PHLPP1: variants seen among roughly 807,000 people sequenced by gnomAD.
The protein encoded by PHLPP1 is PH domain leucine-rich repeat-containing protein phosphatase 1.
PHLPP1 carries 42 observed loss-of-function variants against 117.2 expected under a neutral mutation model. The observed-to-expected ratio is 0.36, with a 90% CI of 0.28 to 0.46. The LOEUF (loss-of-function observed/expected upper bound fraction) is 0.46. Among genes scored for constraint, PHLPP1 ranks in the 20% least tolerant of loss-of-function variants. The probability of loss-of-function intolerance (pLI) is 1.00; values close to 1 mark genes in which losing one functional copy is unlikely to be tolerated. For synonymous variants in PHLPP1, 1,042 were observed against 970.7 expected (o/e 1.07, Z -1.37); for missense variants, 2,084 against 2,241.9 (o/e 0.93, Z 1.42).
intron 1 of PHLPP1, among the ~76,000 whole-genome samples, chr18:62,751,229 A>G (rs1040943759): frequency 1.3e-5 from 2 of 152,216 alleles, no homozygotes; most frequent in Non-Finnish European, 2.9e-5. Flanking sequence ...TATAATTATT[A>G]TTTTCAAAAA....
rs1353259168 is a variant in PHLPP1 at position 62,979,215 on chromosome 18, A to G, written c.4938A>G (p.Arg1646=). 1.2e-6 allele frequency: 2 copies of G among 1,610,528 alleles called. No individual in the cohort carries two copies. The highest frequency in any genetic ancestry group is 2.2e-5 in the East Asian group (1 of 44,790). The change falls in exon 17 of 17, where the codon CGA becomes CGG. Residue 1646 remains arginine (R), a synonymous_variant. Transcript: ENST00000262719. ...AGGTGGCTACAGACGCACCTCTTCG[A>G]AAGCCTGGAGGCTATTTTGCTGCCC... The part of the protein sequence containing the change: ...VIEVATDAPL[R]KPGGYFAAPA...
intron 4 of PHLPP1, among the ~76,000 whole-genome samples, chr18:62,877,987 A>G (rs1916090205): frequency 6.6e-6 from 1 of 152,180 alleles, no homozygotes; most frequent in Non-Finnish European, 1.5e-5. Flanking sequence ...TTCCCACTTA[A>G]ATAGAAGGGA....
chr18:62,978,309 C>T lies in PHLPP1; in HGVS notation c.4032C>T (p.Tyr1344=), dbSNP rs1911257819. Residue 1344 remains tyrosine (Y), a synonymous_variant, in exon 17 of 17, where the codon TAC becomes TAT. Transcript: ENST00000262719. The surrounding 1 kb of genome is among the most constrained non-coding windows in gnomAD (Gnocchi z 7.0). The part of the protein sequence containing the change: ...GVTESTRILG[Y]TFLHPSVVPR... ...CTGAGTCCACGCGCATCCTGGGCTACACCTTCCTCCATCCCAGTGTGGTGC... is the reference window on the plus strand; with the variant it reads ...CTGAGTCCACGCGCATCCTGGGCTATACCTTCCTCCATCCCAGTGTGGTGC... 2 of 1,612,970 alleles carry T rather than the reference C, an allele frequency of 1.2e-6. No homozygotes were observed. Among genetic ancestry groups the T allele is most frequent in the South Asian group, 1.1e-5 (1 of 90,892 alleles).
rs560532774 is a variant in PHLPP1 at position 62,972,619 on chromosome 18, G to A, written c.3666G>A (p.Gln1222=). ...DRNVEVPYLL[Q]CTMSDILAEE... is the part of the protein sequence containing the mutation. Reference sequence around the variant, plus strand: ...ATGTGGAGGTGCCCTACCTTCTCCAGTGCACTATGAGTGACATTTTGGCTG... The same window carrying A: ...ATGTGGAGGTGCCCTACCTTCTCCAATGCACTATGAGTGACATTTTGGCTG... The change falls in exon 15 of 17, where the codon CAG becomes CAA. Residue 1222 remains glutamine (Q), a synonymous_variant. Coordinates refer to ENST00000262719, the MANE Select transcript of PHLPP1 (RefSeq NM_194449.4). 73 of 1,613,962 alleles carry A rather than the reference G, an allele frequency of 4.5e-5. No homozygotes were observed. The South Asian group carries it at 5.3e-4, about 12-fold the overall frequency.
At chr18:62,842,653 C>G (rs1306729002) in intron 3 of PHLPP1, among the ~76,000 whole-genome samples, 2 of 152,128 alleles carry the variant, frequency 1.3e-5, no homozygotes. Context: ...CGTGAGCCAC[C>G]GTGCCTGGCC....
intron 1 of PHLPP1, among the ~76,000 whole-genome samples, chr18:62,818,416 A>G (rs950413144): frequency 3.9e-5 from 6 of 152,060 alleles, no homozygotes; most frequent in African/African-American, 1.2e-4. Context: ...AGTCCCAGCT[A>G]CTTGGGAGGC....
At chr18:62,898,056 T>TCCTCTTTCTCCTCTTTCTCC (rs1916614435) in intron 6 of PHLPP1, among the ~76,000 whole-genome samples, 1 of 83,500 alleles carries the variant, frequency 1.2e-5, no homozygotes, top group Admixed American at 1.4e-4. Context: ...TGGCTGTTAC[T>TCCTCTTTCTCCTCTTTCTCC]TCTTGGTCAG....
intron 10 of PHLPP1, among the ~76,000 whole-genome samples, chr18:62,932,087 G>A (rs1330979757): frequency 6.6e-6 from 1 of 151,956 alleles, no homozygotes; most frequent in Non-Finnish European, 1.5e-5. Context: ...TCAAAATCCT[G>A]AACAGGCCAA....
chr18:62,802,044 G>C (rs1913800389), intron 1 of PHLPP1, among the ~76,000 whole-genome samples: 1 of 151,624 alleles, frequency 6.6e-6, no homozygotes, highest in Non-Finnish European at 1.5e-5. Context: ...TCACTCCCCT[G>C]ACTACTTTCT....
intron 1 of PHLPP1, among the ~76,000 whole-genome samples, chr18:62,797,404 A>G (rs552527261): frequency 6.6e-6 from 1 of 152,326 alleles, no homozygotes; most frequent in African/African-American, 2.4e-5. Context: ...TAAAGCTTAT[A>G]TCCTAGTGGG....
chr18:62,956,066 T>A lies in PHLPP1; in HGVS notation c.3325-2563T>A, dbSNP rs188203622. 4.4e-4 allele frequency among the ~76,000 whole-genome samples: 67 copies of A among 152,340 alleles called. 1 individual carries two copies. Among genetic ancestry groups the A allele is most frequent in the Admixed American group, 1.0e-3 (16 of 15,306 alleles). On this transcript the variant is annotated intron_variant, in intron 12 of 16. Coordinates refer to ENST00000262719, the MANE Select transcript of PHLPP1 (RefSeq NM_194449.4). The stretch of plus-strand genomic sequence containing the variant: ...AAACAAAGCAAAAAAGAGATGACTG[T>A]TTTCTCCAATATTTAGGTTAAGTAA...
At chr18:62,802,006 G>GT in intron 1 of PHLPP1, among the ~76,000 whole-genome samples, 1 of 141,824 alleles carries the variant, frequency 7.1e-6, no homozygotes, top group South Asian at 2.1e-4. Flanking sequence ...TTTTTTAACC[G>GT]TTTTTTCCTT....
At chr18:62,801,908 G>A (rs145978063) in intron 1 of PHLPP1, among the ~76,000 whole-genome samples, 1 of 152,220 alleles carries the variant, frequency 6.6e-6, no homozygotes, top group African/African-American at 2.4e-5. Context: ...TGCATACACA[G>A]AGCATCACTC....
chr18:62,924,498 C>G (rs1442010612), intron 10 of PHLPP1, among the ~76,000 whole-genome samples: 1 of 151,806 alleles, frequency 6.6e-6, no homozygotes, highest in East Asian at 1.9e-4. Context: ...ATTTTGCCTG[C>G]TAAAGCCAGT....
Position 62,920,124 on chromosome 18 carries a change from T to C in PHLPP1, c.2960+10T>C. The C allele has an allele frequency of 6.2e-7, 1 of 1,611,338 alleles. No homozygotes were observed. Among genetic ancestry groups the C allele is most frequent in the Non-Finnish European group, 8.5e-7 (1 of 1,178,116 alleles). ...TGATGAAGGCTGACAGGTAAAGCCATTTGTCTTGTTTATCATCTGAGTCTA... is the reference window on the plus strand; with the variant it reads ...TGATGAAGGCTGACAGGTAAAGCCACTTGTCTTGTTTATCATCTGAGTCTA... On this transcript the variant is annotated intron_variant, in intron 10 of 16. Coordinates refer to ENST00000262719, the MANE Select transcript of PHLPP1 (RefSeq NM_194449.4).
intron 1 of PHLPP1, among the ~76,000 whole-genome samples, chr18:62,741,687 T>C (rs1490964459): frequency 6.6e-6 from 1 of 150,876 alleles, no homozygotes; most frequent in African/African-American, 2.4e-5. Flanking sequence ...TTGTAATTGT[T>C]ATGTGTGCCA....
chr18:62,733,023 T>G (rs1004375927), intron 1 of PHLPP1, among the ~76,000 whole-genome samples: 1 of 152,232 alleles, frequency 6.6e-6, no homozygotes, highest in South Asian at 2.1e-4. Context: ...CTGTGAACAT[T>G]GTTGAAATGA....
chr18:62,846,086 G>C (rs1381758617), intron 3 of PHLPP1, among the ~76,000 whole-genome samples: 3 of 151,914 alleles, frequency 2.0e-5, no homozygotes, highest in Admixed American at 1.3e-4. Flanking sequence ...GCAGGTGCCT[G>C]TAATCCCAGC....
intron 8 of PHLPP1, among the ~76,000 whole-genome samples, chr18:62,914,578 A>T (rs903644649): frequency 3.3e-5 from 5 of 152,198 alleles, no homozygotes; most frequent in Non-Finnish European, 7.3e-5. Context: ...CTGGGACTAT[A>T]GGTGCATGCC....
Sources: allele counts gnomAD v4.1 joint callset (sites outside exome capture counted in the v4.1 genomes callset), GRCh38; gene constraint gnomAD v4.1.1; non-coding constraint Gnocchi (gnomAD v3.1); transcripts MANE v1.5; gene names NCBI Gene and HGNC (gene_info 2026-07-23, HGNC 2026-07-21).